The following SEC22C variants were observed in gnomAD, a reference collection of about 807,000 sequenced individuals.
The protein encoded by SEC22C is vesicle-trafficking protein SEC22c.
Under a neutral mutation model 34.7 loss-of-function variants are expected in SEC22C, and 29 were observed. That is an observed-to-expected ratio of 0.84 (90% CI 0.62 to 1.14). SEC22C has a LOEUF of 1.14. SEC22C is among the 50% of genes most tolerant of loss of function. The probability of loss-of-function intolerance (pLI) is 0.00; values close to 1 mark genes in which losing one functional copy is unlikely to be tolerated. For synonymous variants in SEC22C, 117 were observed against 132.8 expected (o/e 0.88, Z 0.82); for missense variants, 337 against 369.0 (o/e 0.91, Z 0.71).
chr3:42,591,484 C>T, intron 1 of SEC22C: 1 of 1,506,960 alleles, frequency 6.6e-7, no homozygotes, highest in Admixed American at 1.7e-5. Flanking sequence ...TGAGCCACTG[C>T]GCCCGGCCTG....
At chr3:42,555,796 C>T in intron 6 of SEC22C, 134 bp downstream of exon 6, 1 of 728,700 alleles carries the variant, frequency 1.4e-6, no homozygotes, top group Non-Finnish European at 2.4e-6. Flanking sequence ...CCACTAAGGG[C>T]TTGGTATTGT....
rs976168962 is a variant in SEC22C, at chr3:42,552,976, C to G, written c.*272G>C. ...ATTTCCTTTCTCTCTTCCAATAAAG[C>G]TCTTTCTGGATGAGCCCCCAGATCC... On this transcript the variant is annotated 3_prime_UTR_variant, in exon 7 of 7. Transcript: ENST00000264454. The G allele has an allele frequency of 1.4e-5, 17 of 1,240,448 alleles. No homozygotes were observed. Among genetic ancestry groups the G allele is most frequent in the Non-Finnish European group, 1.6e-5 (16 of 990,004 alleles). The allele number at this position is 1,240,448 out of a possible 1,614,324, so 76.8% of individuals were successfully genotyped here. A position where few individuals can be genotyped will look rare whatever the true frequency, so the allele number is the denominator to read the frequency against.
chr3:42,583,841 A>T (rs2125734149), upstream of SEC22C, among the ~76,000 whole-genome samples: 1 of 152,350 alleles, frequency 6.6e-6, no homozygotes, highest in South Asian at 2.1e-4. Context: ...CTAGGAGATT[A>T]GGTAGTAGAG....
Position 42,548,327 on chromosome 3 carries a change from C to A in SEC22C, c.*4921G>T. Reference sequence around the variant, plus strand: ...ATGAAATAACACTTCTGAAGCAACCCCAGAATCATATAAATGTAAGGGTTA... The same window carrying A: ...ATGAAATAACACTTCTGAAGCAACCACAGAATCATATAAATGTAAGGGTTA... On this transcript the variant is annotated 3_prime_UTR_variant, in exon 7 of 7. Coordinates refer to ENST00000264454, the MANE Select transcript of SEC22C (RefSeq NM_032970.4). 5.1e-6 allele frequency: 2 copies of A among 393,382 alleles called. No individual in the cohort carries two copies. Among genetic ancestry groups the A allele is most frequent in the East Asian group, 3.8e-5 (1 of 26,158 alleles). The allele number at this position is 393,382 out of a possible 1,614,324, so 24.4% of individuals were successfully genotyped here.
intron 1 of SEC22C, chr3:42,581,506 G>T (rs1704346402): frequency 6.6e-6 from 1 of 152,300 alleles, no homozygotes; most frequent in Non-Finnish European, 1.5e-5. Context: ...ATGCTCTGAC[G>T]TGAGCTTCGT....
Position 42,563,632 on chromosome 3 carries a change from T to C in SEC22C, c.237A>G (p.Pro79=), listed in dbSNP as rs1703056858. ...CCAGGAAGCAGAAGGCCATGGCTGC[T>C]GGACACTGGCAGGAGCAGATAGCCA... The part of the protein sequence containing the change: ...ACMAICSCQC[P]AAMAFCFLET... The change falls in exon 3 of 7, where the codon CCA becomes CCG. Residue 79 remains proline (P), a synonymous_variant. Transcript: ENST00000264454. 1.2e-6 allele frequency: 2 copies of C among 1,614,056 alleles called. No homozygotes were observed. The highest frequency in any genetic ancestry group is 1.7e-5 in the Admixed American group (1 of 60,008).
chr3:42,553,403 C>A lies in SEC22C; in HGVS notation c.757G>T (p.Val253Leu). 1 of 1,614,142 alleles carries A rather than the reference C, an allele frequency of 6.2e-7. No homozygotes were observed. Among genetic ancestry groups the A allele is most frequent in the East Asian group, 2.2e-5 (1 of 44,888 alleles). The change falls in exon 7 of 7, where the codon GTG becomes TTG. Residue 253 changes from valine to leucine, a missense_variant. Transcript: ENST00000264454. The stretch of plus-strand genomic sequence containing the variant: ...AGGCAAATAAAGAGCAGCATAAGCA[C>A]CACCTTCATAGTCCTGGCTGGACTG... ...FYSPARTMKV[V>L]LMLLFICLGN... is the part of the protein sequence containing the mutation.
intron 2 of SEC22C, 169 bp from the exon 3 acceptor site, chr3:42,563,855 T>A (rs1703076930): frequency 6.6e-7 from 1 of 1,506,234 alleles, no homozygotes; most frequent in Non-Finnish European, 8.9e-7. Flanking sequence ...CCTGAGACTG[T>A]CTTTCTTCCG....
chr3:42,555,121 G>A (rs1702453424), intron 6 of SEC22C, among the ~76,000 whole-genome samples: 1 of 152,036 alleles, frequency 6.6e-6, no homozygotes, highest in Non-Finnish European at 1.5e-5. Flanking sequence ...CGAGGCGGGT[G>A]GATCACAAGG....
Position 42,552,422 on chromosome 3 carries a change from C to A in SEC22C, c.*826G>T, listed in dbSNP as rs1231909112. 3.0e-6 allele frequency: 3 copies of A among 985,312 alleles called. No homozygotes were observed. The Admixed American group carries it at 1.8e-4, about 61-fold the overall frequency. The allele number at this position is 985,312 out of a possible 1,614,324, so 61.0% of individuals were successfully genotyped here. On this transcript the variant is annotated 3_prime_UTR_variant, in exon 7 of 7. Transcript: ENST00000264454. The stretch of plus-strand genomic sequence containing the variant: ...CTGAATCCATGTTCATTCACCTACT[C>A]CAGGTTGTGGTCAATTGTAAGTAAT...
chr3:42,590,930 G>A lies in SEC22C; in HGVS notation c.-28+10030C>T, dbSNP rs1476033667. On this transcript the variant is annotated intron_variant, in intron 1 of 6. Transcript: ENST00000417572. ...TGGCCTTCGTACCGGACTGGCTGAG[G>A]GGCAAGGCGGAAGTCAATCAAGAGA... is the stretch of plus-strand genomic sequence containing the variant. 5.6e-6 allele frequency: 9 copies of A among 1,612,966 alleles called. No individual in the cohort carries two copies. In the Admixed American group the frequency reaches 1.5e-4, roughly 27 times the overall value.
At chr3:42,581,147 T>C (rs1233042136) in intron 1 of SEC22C, among the ~76,000 whole-genome samples, 2 of 152,226 alleles carry the variant, frequency 1.3e-5, no homozygotes, top group Non-Finnish European at 1.5e-5. Flanking sequence ...CATTTTTCAT[T>C]TTACTAAAAT....
rs186622758 is a variant in SEC22C at position 42,550,008 on chromosome 3, C to T, written c.*3240G>A. ...CACCCAGGAAAAGGAAAGCCAGGTA[C>T]ACTTCTCATCACAGTAAGACTAGCC... is the stretch of plus-strand genomic sequence containing the variant. On this transcript the variant is annotated 3_prime_UTR_variant, in exon 7 of 7. Transcript: ENST00000264454. 36 of 985,482 alleles carry T rather than the reference C, an allele frequency of 3.7e-5. No homozygotes were observed. In the East Asian group the frequency reaches 3.5e-3, roughly 96 times the overall value. The allele number at this position is 985,482 out of a possible 1,614,324, so 61.0% of individuals were successfully genotyped here.
intron 1 of SEC22C, among the ~76,000 whole-genome samples, chr3:42,592,547 G>T (rs1365862271): frequency 6.6e-6 from 1 of 152,132 alleles, no homozygotes; most frequent in Non-Finnish European, 1.5e-5. Flanking sequence ...TGTTACTGAA[G>T]AAATGTTTCA....
rs370185212 is a variant in SEC22C, at chr3:42,548,689, C to T, written c.*4559G>A. The T allele has an allele frequency of 4.8e-5, 77 of 1,613,924 alleles. No individual in the cohort carries two copies. The highest frequency in any genetic ancestry group is 3.0e-4 in the South Asian group (27 of 91,054). On this transcript the variant is annotated 3_prime_UTR_variant, in exon 7 of 7. Transcript: ENST00000264454. The stretch of plus-strand genomic sequence containing the variant: ...TAAACCAAACATCAATGGTACCATG[C>T]GCTCTGTGCCCAGGGAGTGAAAGGC...
At chr3:42,572,178 G>A (rs1481484382) in intron 1 of SEC22C, among the ~76,000 whole-genome samples, 1 of 150,014 alleles carries the variant, frequency 6.7e-6, no homozygotes, top group Non-Finnish European at 1.5e-5. Flanking sequence ...CACAGACTGA[G>A]TGGTGGAGAA....
intron 6 of SEC22C, among the ~76,000 whole-genome samples, chr3:42,555,565 A>G (rs1298855068): frequency 6.6e-6 from 1 of 152,206 alleles, no homozygotes; most frequent in Non-Finnish European, 1.5e-5. Context: ...GGACTGTCCT[A>G]ATAATAAGCA....
intron 1 of SEC22C, chr3:42,600,294 C>G (rs142813471): frequency 6.6e-6 from 1 of 152,240 alleles, no homozygotes; most frequent in Non-Finnish European, 1.5e-5. Flanking sequence ...GAACACAGAG[C>G]AACACAACGT....
intron 6 of SEC22C, among the ~76,000 whole-genome samples, chr3:42,554,992 A>G (rs1360351047): frequency 1.5e-5 from 2 of 136,966 alleles, no homozygotes; most frequent in Non-Finnish European, 3.1e-5. Flanking sequence ...AACAACAACA[A>G]CAACAAAAAA....
Sources: allele counts gnomAD v4.1 joint callset (sites outside exome capture counted in the v4.1 genomes callset), GRCh38; gene constraint gnomAD v4.1.1; transcripts MANE v1.5; gene names NCBI Gene and HGNC (gene_info 2026-07-23, HGNC 2026-07-21).